NLGN1: variants seen among roughly 807,000 people sequenced by gnomAD.
NLGN1 encodes neuroligin-1.
A neutral mutation model predicts 65.5 loss-of-function variants in NLGN1; 12 were observed. The observed-to-expected ratio is 0.18, with a 90% CI of 0.12 to 0.30. The LOEUF is 0.30. Among genes scored for constraint, NLGN1 ranks in the 10% least tolerant of loss-of-function variants. The pLI, the probability that NLGN1 is intolerant of heterozygous loss-of-function variation, is 1.00. For missense variants in NLGN1, 750 were observed against 1,007.1 expected, an observed-to-expected ratio of 0.74 and a Z score of 3.46; for synonymous variants, 350 against 359.5, an observed-to-expected ratio of 0.97 and a Z score of 0.30.
intron 4 of NLGN1, among the ~76,000 whole-genome samples, chr3:174,257,714 T>C: frequency 6.6e-6 from 1 of 151,342 alleles, no homozygotes. Flanking sequence ...GGGACAGAAC[T>C]AGTGGAATAT....
chr3:173,519,471 CCA>C (rs1273929287), intron 2 of NLGN1, among the ~76,000 whole-genome samples: 26 of 152,266 alleles, frequency 1.7e-4, no homozygotes, highest in Admixed American at 1.7e-3. Context: ...CCCTGGAAAG[CCA>C]CAGAGGCAGA....
intron 4 of NLGN1, among the ~76,000 whole-genome samples, chr3:174,005,892 G>T (rs572031816): frequency 6.6e-6 from 1 of 152,046 alleles, no homozygotes; most frequent in East Asian, 1.9e-4. Flanking sequence ...CATTAGATTT[G>T]TAAAAATTAA....
chr3:174,265,966 G>T (rs1577690848), intron 4 of NLGN1, among the ~76,000 whole-genome samples: 1 of 147,058 alleles, frequency 6.8e-6, no homozygotes, highest in African/African-American at 2.5e-5. Flanking sequence ...GTATATATGT[G>T]TATAAGTATA....
intron 2 of NLGN1, among the ~76,000 whole-genome samples, chr3:173,562,147 C>T (rs1024555328): frequency 3.3e-5 from 5 of 152,160 alleles, no homozygotes; most frequent in Admixed American, 1.3e-4. Flanking sequence ...AAAGGCAGCA[C>T]GTTTGACCAG....
At chr3:174,251,564 G>C (rs1347572470) in intron 4 of NLGN1, among the ~76,000 whole-genome samples, 1 of 152,014 alleles carries the variant, frequency 6.6e-6, no homozygotes, top group African/African-American at 2.4e-5. Context: ...GATAAGCTTG[G>C]AAAAAAAGTT....
intron 3 of NLGN1, among the ~76,000 whole-genome samples, chr3:173,706,964 A>G (rs573268046): frequency 6.6e-6 from 1 of 152,312 alleles, no homozygotes; most frequent in East Asian, 1.9e-4. Context: ...CACTCTCCCT[A>G]CCAAGTCACA....
chr3:174,219,588 G>T (rs183078713), intron 4 of NLGN1, among the ~76,000 whole-genome samples: 129 of 152,224 alleles, frequency 8.5e-4, no homozygotes, highest in Middle Eastern at 6.8e-3. Flanking sequence ...GCAGCAAGGA[G>T]ACTTAAGTGT....
chr3:173,518,530 A>ATG (rs144033200), intron 2 of NLGN1, among the ~76,000 whole-genome samples: 8,864 of 148,772 alleles, frequency 0.06, 325 homozygotes, highest in Non-Finnish European at 0.084. Context: ...GAGTATGTGT[A>ATG]TGTGTGTGTG....
At chr3:173,913,921 C>T (rs1408099271) in intron 4 of NLGN1, among the ~76,000 whole-genome samples, 1 of 152,084 alleles carries the variant, frequency 6.6e-6, no homozygotes, top group Non-Finnish European at 1.5e-5. Context: ...TATTAGGGTT[C>T]CCTACCCAAG....
At chr3:173,722,626 G>T (rs1420511475) in intron 3 of NLGN1, among the ~76,000 whole-genome samples, 2 of 152,098 alleles carry the variant, frequency 1.3e-5, no homozygotes, top group East Asian at 1.9e-4. Flanking sequence ...GGTTCATTGT[G>T]CAGGCACTGC....
intron 1 of NLGN1, among the ~76,000 whole-genome samples, chr3:173,404,119 A>G (rs1474941523): frequency 1.3e-5 from 2 of 152,170 alleles, no homozygotes; most frequent in Admixed American, 1.3e-4. Context: ...TGAATTCATT[A>G]TATTTATTTT....
At chr3:173,822,522 A>G (rs927825080) in intron 4 of NLGN1, among the ~76,000 whole-genome samples, 1 of 152,188 alleles carries the variant, frequency 6.6e-6, no homozygotes, top group Non-Finnish European at 1.5e-5. Flanking sequence ...CCTTCTGGCT[A>G]TGTGTATAAG....
At chr3:174,246,059 T>G (rs1385289000) in intron 4 of NLGN1, among the ~76,000 whole-genome samples, 1 of 152,222 alleles carries the variant, frequency 6.6e-6, no homozygotes, top group Admixed American at 6.5e-5. Context: ...CAATATAATT[T>G]AGCATAAGTT....
At chr3:174,245,193 G>A (rs567179633) in intron 4 of NLGN1, among the ~76,000 whole-genome samples, 6 of 152,246 alleles carry the variant, frequency 3.9e-5, no homozygotes, top group African/African-American at 1.4e-4. Context: ...TTCCATTTGG[G>A]AAGTGGAGAT....
At chr3:174,206,652 C>T (rs779415765) in intron 4 of NLGN1, among the ~76,000 whole-genome samples, 19 of 152,110 alleles carry the variant, frequency 1.2e-4, no homozygotes, top group Admixed American at 2.6e-4. Flanking sequence ...TTTCAGCTAC[C>T]GGTAAAATAA....
chr3:174,160,041 T>C (rs565511543), intron 4 of NLGN1, among the ~76,000 whole-genome samples: 13 of 151,834 alleles, frequency 8.6e-5, no homozygotes, highest in Admixed American at 7.3e-4. Context: ...TCCTGATTTT[T>C]AGCATGAATT....
At chr3:174,017,672 G>A (rs985529561) in intron 4 of NLGN1, among the ~76,000 whole-genome samples, 7 of 152,056 alleles carry the variant, frequency 4.6e-5, no homozygotes, top group African/African-American at 9.7e-5. Context: ...GGCAGGTTCC[G>A]TGATGCCCCC....
At chr3:174,137,728 A>G (rs1419379251) in intron 4 of NLGN1, among the ~76,000 whole-genome samples, 2 of 152,186 alleles carry the variant, frequency 1.3e-5, no homozygotes, top group African/African-American at 4.8e-5. Context: ...GTGGGAAAAT[A>G]CCTATAGTTC....
intron 4 of NLGN1, among the ~76,000 whole-genome samples, chr3:174,182,020 T>C (rs7632604): frequency 0.1 from 14,832 of 147,960 alleles, 949 homozygotes; most frequent in Admixed American, 0.15. Context: ...CCGAATAAAC[T>C]TGGACTATCA....
Sources: gnomAD v4.1 joint callset for allele counts (sites outside exome capture counted in the v4.1 genomes callset) on GRCh38, gnomAD v4.1.1 for gene constraint, MANE v1.5 for transcripts, NCBI Gene and HGNC (gene_info 2026-07-23, HGNC 2026-07-21) for gene names.